FOXN3: variants seen among roughly 807,000 people sequenced by gnomAD.
FOXN3 encodes forkhead box protein N3.
A neutral mutation model predicts 38.4 loss-of-function variants in FOXN3; 7 were observed. The ratio of observed to expected loss-of-function variants is 0.18; its 90% CI spans 0.10 to 0.34. FOXN3 has a LOEUF of 0.34. Among genes scored for constraint, FOXN3 ranks in the 10% least tolerant of loss-of-function variants. FOXN3 has a pLI of 1.00. For missense variants in FOXN3, 456 were observed against 613.4 expected (o/e 0.74, Z 2.71); for synonymous variants, 230 against 242.2 (o/e 0.95, Z 0.47).
intron 2 of FOXN3, among the ~76,000 whole-genome samples, chr14:89,376,391 A>C (rs1890477986): frequency 6.6e-6 from 1 of 152,222 alleles, no homozygotes; most frequent in African/African-American, 2.4e-5. Context: ...ATTTGCCACC[A>C]TTAGAGGCGA....
chr14:89,242,321 T>TAC (rs1885165133), intron 4 of FOXN3, among the ~76,000 whole-genome samples: 1 of 150,956 alleles, frequency 6.6e-6, no homozygotes, highest in Admixed American at 6.6e-5. Flanking sequence ...CTCATATATA[T>TAC]ATATATGCAT....
intron 3 of FOXN3, among the ~76,000 whole-genome samples, chr14:89,324,776 C>T (rs998492759): frequency 1.3e-5 from 2 of 152,144 alleles, no homozygotes; most frequent in Admixed American, 6.5e-5. Flanking sequence ...CCTTGACCAG[C>T]ACAACTGCCT....
At chr14:89,574,040 A>AAT (rs2139898954) in intron 1 of FOXN3, among the ~76,000 whole-genome samples, 1 of 152,262 alleles carries the variant, frequency 6.6e-6, no homozygotes, top group South Asian at 2.1e-4. Flanking sequence ...CCAAAAATAA[A>AAT]ATAAAGTAAA....
At chr14:89,413,748 GGGAA>G (rs1891609695) in intron 1 of FOXN3, among the ~76,000 whole-genome samples, 1 of 145,950 alleles carries the variant, frequency 6.9e-6, no homozygotes, top group South Asian at 2.3e-4. Context: ...GAGAAGGGAA[GGGAA>G]GGAAGAAGGG....
At chr14:89,343,466 T>G (rs909778583) in intron 3 of FOXN3, among the ~76,000 whole-genome samples, 1 of 138,966 alleles carries the variant, frequency 7.2e-6, no homozygotes, top group Non-Finnish European at 1.5e-5. Flanking sequence ...CTTAGCAGTA[T>G]TACTCTATGA....
chr14:89,314,832 G>A (rs970288849), intron 3 of FOXN3, among the ~76,000 whole-genome samples: 2 of 152,108 alleles, frequency 1.3e-5, no homozygotes, highest in Non-Finnish European at 2.9e-5. Flanking sequence ...TTAGCTAACC[G>A]AGAACCTTCA....
intron 1 of FOXN3, among the ~76,000 whole-genome samples, chr14:89,436,483 C>T (rs911966833): frequency 7.2e-5 from 11 of 152,120 alleles, no homozygotes; most frequent in Non-Finnish European, 1.3e-4. Flanking sequence ...TTTCTTCTCT[C>T]CCTTTCCCAG....
chr14:89,485,513 C>G (rs891185205), intron 1 of FOXN3, among the ~76,000 whole-genome samples: 2 of 152,136 alleles, frequency 1.3e-5, no homozygotes, highest in Non-Finnish European at 2.9e-5. Flanking sequence ...AGACAGAGCT[C>G]AGAGGGGAGG....
intron 1 of FOXN3, among the ~76,000 whole-genome samples, chr14:89,490,677 C>T (rs1362375262): frequency 2.6e-5 from 4 of 152,298 alleles, no homozygotes; most frequent in Non-Finnish European, 5.9e-5. Flanking sequence ...TAGCCGATGA[C>T]AAACAGCAGG....
intron 1 of FOXN3, among the ~76,000 whole-genome samples, chr14:89,590,860 A>C (rs1427472668): frequency 6.6e-6 from 1 of 152,138 alleles, no homozygotes; most frequent in African/African-American, 2.4e-5. Flanking sequence ...CCCTCATTCC[A>C]GGGGAGGTCT....
intron 1 of FOXN3, among the ~76,000 whole-genome samples, chr14:89,595,148 C>T (rs1896032380): frequency 6.7e-6 from 1 of 149,288 alleles, no homozygotes. Context: ...AACCCCGTCT[C>T]TACTAAAAAT....
intron 4 of FOXN3, among the ~76,000 whole-genome samples, chr14:89,272,834 C>A (rs1886189640): frequency 6.6e-6 from 1 of 152,140 alleles, no homozygotes; most frequent in African/African-American, 2.4e-5. Flanking sequence ...GCCTGGGCAA[C>A]AGCGCAAGAC....
chr14:89,180,953 T>TACACAC (rs10692634), intron 4 of FOXN3, 147 bp from the exon 5 acceptor site: 12 of 480,886 alleles, frequency 2.5e-5, no homozygotes, highest in East Asian at 1.3e-4. Flanking sequence ...CACGTGCACA[T>TACACAC]ACACACACAC....
At chr14:89,326,735 T>G (rs935230102) in intron 3 of FOXN3, among the ~76,000 whole-genome samples, 2 of 152,072 alleles carry the variant, frequency 1.3e-5, no homozygotes, top group African/African-American at 4.8e-5. Flanking sequence ...GTAAAACCAC[T>G]AAAAGCTCTA....
intron 2 of FOXN3, among the ~76,000 whole-genome samples, chr14:89,404,237 C>A (rs922175396): frequency 6.6e-6 from 1 of 151,964 alleles, no homozygotes; most frequent in Admixed American, 6.6e-5. Context: ...GGGCTGCGCA[C>A]GGTGGCTCAC....
chr14:89,183,244 T>C (rs1304812926), intron 4 of FOXN3, among the ~76,000 whole-genome samples: 2 of 152,208 alleles, frequency 1.3e-5, no homozygotes, highest in Non-Finnish European at 2.9e-5. Context: ...TGATCTAATA[T>C]ATCCGTCACT....
At chr14:89,489,549 C>T (rs1893529918) in intron 1 of FOXN3, among the ~76,000 whole-genome samples, 1 of 152,160 alleles carries the variant, frequency 6.6e-6, no homozygotes, top group South Asian at 2.1e-4. Flanking sequence ...ATTCCTCTAA[C>T]CACAATAGAG....
intron 1 of FOXN3, among the ~76,000 whole-genome samples, chr14:89,431,042 C>T (rs1308416086): frequency 6.6e-6 from 1 of 152,228 alleles, no homozygotes; most frequent in African/African-American, 2.4e-5. Context: ...TGCACATGAC[C>T]TAAAGGCTTG....
intron 1 of FOXN3, among the ~76,000 whole-genome samples, chr14:89,517,521 G>A (rs1376070509): frequency 6.6e-6 from 1 of 152,094 alleles, no homozygotes; most frequent in African/African-American, 2.4e-5. Flanking sequence ...AGAAAGGGAG[G>A]GAAGGTGCTC....
Sources: gnomAD v4.1 joint callset for allele counts (sites outside exome capture counted in the v4.1 genomes callset) on GRCh38, gnomAD v4.1.1 for gene constraint, MANE v1.5 for transcripts, NCBI Gene and HGNC (gene_info 2026-07-23, HGNC 2026-07-21) for gene names.